The following MYH11 variants were observed in gnomAD, a reference collection of about 807,000 sequenced individuals.
The protein encoded by MYH11 is myosin-11.
A neutral mutation model predicts 246.6 loss-of-function variants in MYH11; 80 were observed. The observed-to-expected ratio is 0.32, with a 90% CI of 0.27 to 0.39. The LOEUF (loss-of-function observed/expected upper bound fraction) is 0.39. Among genes scored for constraint, MYH11 ranks in the 10% least tolerant of loss-of-function variants. The pLI is 1.00. For missense variants in MYH11, 2,158 were observed against 2,546.8 expected (o/e 0.85, Z 3.29); for synonymous variants, 1,071 against 1,015.5 (o/e 1.05, Z -1.04).
chr16:15,768,249 G>A (rs1258942239), intron 9 of MYH11, among the ~76,000 whole-genome samples: 1 of 152,154 alleles, frequency 6.6e-6, no homozygotes, highest in African/African-American at 2.4e-5. Flanking sequence ...TACCACCAGG[G>A]ATACACAGGA....
intron 4 of MYH11, among the ~76,000 whole-genome samples, chr16:15,796,765 A>G (rs954980931): frequency 5.3e-5 from 8 of 152,178 alleles, no homozygotes; most frequent in African/African-American, 1.9e-4. Context: ...AGAGAAAGAG[A>G]TTTGAAGATA....
In MYH11 at chr16:15,724,634, A is replaced by T; in HGVS notation, c.4116+13T>A. 6.2e-7 allele frequency: 1 copy of T among 1,613,824 alleles called. No homozygotes were observed. Among genetic ancestry groups the T allele is most frequent in the African/African-American group, 1.3e-5 (1 of 75,050 alleles). On this transcript the variant is annotated intron_variant, in intron 30 of 40. Transcript: ENST00000300036. ...GAGGACCCATGAAGGAAGCAAGGACACGGGGCAGGCACCTGGATGTTGAGA... is the reference window on the plus strand; with the variant it reads ...GAGGACCCATGAAGGAAGCAAGGACTCGGGGCAGGCACCTGGATGTTGAGA...
intron 40 of MYH11, among the ~76,000 whole-genome samples, chr16:15,707,455 C>T (rs2039518347): frequency 6.6e-6 from 1 of 152,152 alleles, no homozygotes; most frequent in African/African-American, 2.4e-5. Context: ...CTTCAGCCCA[C>T]CCTGGAATTT....
At chr16:15,707,746 C>T (rs376962387) in intron 40 of MYH11, among the ~76,000 whole-genome samples, 3 of 152,056 alleles carry the variant, frequency 2.0e-5, no homozygotes, top group African/African-American at 4.8e-5. Flanking sequence ...CCAAGGCGCG[C>T]GGATCACCTG....
At chr16:15,711,301 C>T (rs2039779150) in intron 40 of MYH11, 1 of 152,180 alleles carries the variant, frequency 6.6e-6, no homozygotes, top group African/African-American at 2.4e-5. Flanking sequence ...CATTTCCTTT[C>T]CAACTCTTTT....
chr16:15,827,267 G>A (rs141277126), intron 2 of MYH11, among the ~76,000 whole-genome samples: 292 of 152,232 alleles, frequency 1.9e-3, no homozygotes, highest in African/African-American at 4.9e-3. Context: ...AACAAGGAAG[G>A]GAAGGCCCTA....
intron 1 of MYH11, among the ~76,000 whole-genome samples, chr16:15,843,419 A>G (rs1178929204): frequency 6.7e-6 from 1 of 148,976 alleles, no homozygotes; most frequent in Non-Finnish European, 1.5e-5. Flanking sequence ...GGCCGGGCAC[A>G]GTGGCTCACA....
chr16:15,759,472 A>T, intron 12 of MYH11, 104 bp downstream of exon 12: 1 of 1,445,786 alleles, frequency 6.9e-7, no homozygotes, highest in Non-Finnish European at 9.7e-7. Context: ...CTCCTACCCT[A>T]CAGTAGCCAT....
chr16:15,735,770 C>G lies in MYH11; in HGVS notation c.3294-192G>C, dbSNP rs371578734. Reference sequence around the variant, plus strand: ...TAACATAGGATGTGAGTGCCAAGGTCTGACATCAAAACAGGTTGTACATGT... The same window carrying G: ...TAACATAGGATGTGAGTGCCAAGGTGTGACATCAAAACAGGTTGTACATGT... On this transcript the variant is annotated intron_variant, in intron 25 of 40. Coordinates refer to ENST00000300036, the MANE Select transcript of MYH11 (RefSeq NM_002474.3). Among the ~76,000 whole-genome samples the G allele has an allele frequency of 1.3e-4, 20 of 152,330 alleles. No individual in the cohort carries two copies. In the East Asian group the frequency reaches 3.9e-3, roughly 29 times the overall value.
intron 20 of MYH11, among the ~76,000 whole-genome samples, chr16:15,744,255 C>T (rs558742960): frequency 6.6e-6 from 1 of 151,662 alleles, no homozygotes; most frequent in Non-Finnish European, 1.5e-5. Context: ...AGTACAGTGG[C>T]GCGATCTCAG....
chr16:15,822,118 C>T (rs1191897806), intron 3 of MYH11, among the ~76,000 whole-genome samples: 2 of 152,190 alleles, frequency 1.3e-5, no homozygotes, highest in African/African-American at 4.8e-5. Context: ...GGCACTTATA[C>T]CTGAGTCCCT....
chr16:15,798,509 G>A, intron 4 of MYH11, 151 bp downstream of exon 4: 4 of 793,754 alleles, frequency 5.0e-6, no homozygotes, highest in Non-Finnish European at 7.9e-6. Context: ...GCATCTACAT[G>A]GTGCCAGGTA....
At chr16:15,828,029 G>A (rs2043618081) in intron 2 of MYH11, among the ~76,000 whole-genome samples, 1 of 152,172 alleles carries the variant, frequency 6.6e-6, no homozygotes, top group African/African-American at 2.4e-5. Context: ...AGCCCAACCT[G>A]TCCTCACTCA....
At chr16:15,778,219 A>G (rs1257331117) in intron 7 of MYH11, among the ~76,000 whole-genome samples, 1 of 152,164 alleles carries the variant, frequency 6.6e-6, no homozygotes, top group African/African-American at 2.4e-5. Flanking sequence ...TCCTTGCGAT[A>G]CCAGCATTCT....
chr16:15,741,340 T>C, intron 22 of MYH11, 123 bp downstream of exon 22: 1 of 1,143,082 alleles, frequency 8.7e-7, no homozygotes, highest in Non-Finnish European at 1.3e-6. Context: ...ACCAACCCTC[T>C]CCAAGCCCCC....
chr16:15,748,887 G>C (rs1053854147), intron 16 of MYH11, among the ~76,000 whole-genome samples: 1 of 152,032 alleles, frequency 6.6e-6, no homozygotes, highest in African/African-American at 2.4e-5. Context: ...CCAAAGTGTT[G>C]GGATTATAGG....
At position 15,728,018 on chromosome 16, in the gene MYH11, G is replaced by C. The variant is rs57822061; in HGVS notation, c.3652-964C>G. Among the ~76,000 whole-genome samples the C allele has an allele frequency of 1.9e-3, 290 of 152,210 alleles. 5 individuals carry two copies. The highest frequency in any genetic ancestry group is 0.017 in the Middle Eastern group (5 of 294). On this transcript the variant is annotated intron_variant, in intron 27 of 40. Transcript: ENST00000300036. ...CCAAGGCAGGTGGATCACTTGAGGTGAGGAGTTCGAGACCAGCCTGGCCAA... is the reference window on the plus strand; with the variant it reads ...CCAAGGCAGGTGGATCACTTGAGGTCAGGAGTTCGAGACCAGCCTGGCCAA...
intron 40 of MYH11, among the ~76,000 whole-genome samples, chr16:15,707,000 AC>A (rs1039060728): frequency 6.6e-6 from 1 of 151,808 alleles, no homozygotes; most frequent in Non-Finnish European, 1.5e-5. Context: ...GAACTAAGGG[AC>A]CCCCCTAAAG....
At position 15,741,484 on chromosome 16, in the gene MYH11, C is replaced by T. The variant is rs1475347836; in HGVS notation, c.2838G>A (p.Lys946=). 1.9e-6 allele frequency: 3 copies of T among 1,608,646 alleles called. No individual in the cohort carries two copies. The highest frequency in any genetic ancestry group is 3.3e-5 in the Admixed American group (2 of 60,024). ...TTACCAGCATCTGCTGGGCCATCTTCTTCCTTTCAGCCTGTAGCTGCTGGC... is the reference window on the plus strand; with the variant it reads ...TTACCAGCATCTGCTGGGCCATCTTTTTCCTTTCAGCCTGTAGCTGCTGGC... ...DRGQQLQAER[K]KMAQQMLDLE... is the part of the protein sequence containing the mutation. The change falls in exon 22 of 41, where the codon AAG becomes AAA. Residue 946 remains lysine, a synonymous_variant. Coordinates refer to ENST00000300036, the MANE Select transcript of MYH11 (RefSeq NM_002474.3).
Sources: gnomAD v4.1 joint callset for allele counts (sites outside exome capture counted in the v4.1 genomes callset) on GRCh38, gnomAD v4.1.1 for gene constraint, MANE v1.5 for transcripts, NCBI Gene and HGNC (gene_info 2026-07-23, HGNC 2026-07-21) for gene names.